The following KLHL1 variants were observed in gnomAD, a reference collection of about 807,000 sequenced individuals.
KLHL1 encodes the protein kelch like family member 1.
In KLHL1, 47 loss-of-function variants were observed where a neutral mutation model predicts 77.7. The observed-to-expected ratio is 0.60, with a 90% CI of 0.48 to 0.77. KLHL1 has a LOEUF of 0.77. Among genes scored for constraint, KLHL1 ranks in the 30% least tolerant of loss-of-function variants. KLHL1 has a pLI of 0.00. For synonymous variants in KLHL1, 360 were observed against 325.2 expected, an observed-to-expected ratio of 1.11 and a Z score of -1.15; for missense variants, 925 against 910.8, an observed-to-expected ratio of 1.02 and a Z score of -0.20.
chr13:70,075,164 T>A (rs1887232363), intron 1 of KLHL1, among the ~76,000 whole-genome samples: 1 of 151,888 alleles, frequency 6.6e-6, no homozygotes, highest in Non-Finnish European at 1.5e-5. Context: ...AAATACTCTC[T>A]TCATAGGGAA....
intron 7 of KLHL1, among the ~76,000 whole-genome samples, chr13:69,785,748 A>T (rs1456509758): frequency 6.6e-6 from 1 of 152,172 alleles, no homozygotes; most frequent in Non-Finnish European, 1.5e-5. Flanking sequence ...AACAAAATCG[A>T]TAGACTGCTA....
chr13:69,802,313 G>A (rs960843705), intron 6 of KLHL1, among the ~76,000 whole-genome samples: 4 of 152,012 alleles, frequency 2.6e-5, no homozygotes, highest in South Asian at 2.1e-4. Context: ...TGTAAATGGC[G>A]CTGCAATAAA....
At chr13:70,008,457 G>A (rs562906362) in intron 1 of KLHL1, among the ~76,000 whole-genome samples, 1 of 151,956 alleles carries the variant, frequency 6.6e-6, no homozygotes, top group Non-Finnish European at 1.5e-5. Context: ...GGTAGTATGC[G>A]CCCCCATATG....
At chr13:69,944,457 T>C (rs1160683858) in intron 3 of KLHL1, among the ~76,000 whole-genome samples, 2 of 152,214 alleles carry the variant, frequency 1.3e-5, no homozygotes, top group East Asian at 1.9e-4. Context: ...TAACAATTCA[T>C]AGCCATTTGT....
chr13:69,865,969 T>A (rs768093886), intron 5 of KLHL1, among the ~76,000 whole-genome samples: 1 of 152,154 alleles, frequency 6.6e-6, no homozygotes, highest in Non-Finnish European at 1.5e-5. Flanking sequence ...TATATTGCCA[T>A]GAGGTGAAAT....
intron 4 of KLHL1, among the ~76,000 whole-genome samples, chr13:69,925,311 C>T (rs936003606): frequency 6.6e-6 from 1 of 152,152 alleles, no homozygotes; most frequent in Admixed American, 6.5e-5. Context: ...TGTAAAGATG[C>T]TACTTACAGC....
chr13:69,811,754 C>T (rs576175782), intron 6 of KLHL1, among the ~76,000 whole-genome samples: 1 of 152,070 alleles, frequency 6.6e-6, no homozygotes, highest in South Asian at 2.1e-4. Context: ...AGACCCTAGA[C>T]TTATCATTTT....
At chr13:69,789,017 CTCTATCTATCTATCTATCTA>C (rs10542087) in intron 7 of KLHL1, among the ~76,000 whole-genome samples, 2,470 of 150,494 alleles carry the variant, frequency 0.016, 69 homozygotes, top group African/African-American at 0.055. Flanking sequence ...CTCCACAGGA[CTCTATCTATCTATCTATCTA>C]TCTATCTATC....
intron 6 of KLHL1, among the ~76,000 whole-genome samples, chr13:69,806,262 G>A (rs1194148894): frequency 6.6e-6 from 1 of 152,158 alleles, no homozygotes; most frequent in Non-Finnish European, 1.5e-5. Flanking sequence ...GCCACAACTT[G>A]ATAAATGTTT....
At chr13:70,001,893 T>A (rs1381106119) in intron 1 of KLHL1, among the ~76,000 whole-genome samples, 1 of 151,642 alleles carries the variant, frequency 6.6e-6, no homozygotes, top group Non-Finnish European at 1.5e-5. Context: ...ACATCTAATT[T>A]ACAGCTAAAG....
At chr13:69,781,097 C>T (rs1027787133) in intron 7 of KLHL1, among the ~76,000 whole-genome samples, 3 of 127,984 alleles carry the variant, frequency 2.3e-5, no homozygotes, top group Non-Finnish European at 5.1e-5. Context: ...TTAGGACTGC[C>T]CAAATCTTGC....
rs7983261 is a variant in KLHL1 at position 70,048,989 on chromosome 13, G to T, written c.497+58214C>A. The stretch of plus-strand genomic sequence containing the variant: ...CTTGGAGTTAGTCTACATCATTGCT[G>T]TAAGTATACTTTCTCTTGAACAGAA... On this transcript the variant is annotated intron_variant, in intron 1 of 10. Coordinates refer to ENST00000377844, the MANE Select transcript of KLHL1 (RefSeq NM_020866.3). Among the ~76,000 whole-genome samples the T allele has an allele frequency of 4.7e-3, 714 of 152,238 alleles. 4 individuals carry two copies. Among genetic ancestry groups the T allele is most frequent in the African/African-American group, 0.016 (665 of 41,544 alleles).
intron 1 of KLHL1, among the ~76,000 whole-genome samples, chr13:70,011,828 T>G (rs1054127609): frequency 6.6e-6 from 1 of 152,160 alleles, no homozygotes; most frequent in Non-Finnish European, 1.5e-5. Flanking sequence ...ATTTGTCCAT[T>G]TTCATGCCGT....
At chr13:69,707,536 T>G in intron 10 of KLHL1, 89 bp downstream of exon 10, 1 of 1,242,702 alleles carries the variant, frequency 8.0e-7, no homozygotes, top group Non-Finnish European at 1.1e-6. Context: ...GTAATTAGAC[T>G]AGATTACTGT....
intron 5 of KLHL1, among the ~76,000 whole-genome samples, chr13:69,850,982 T>C (rs1305323184): frequency 6.6e-6 from 1 of 151,688 alleles, no homozygotes. Flanking sequence ...ATCTTTATTT[T>C]ATCTATAAAC....
At chr13:70,057,254 A>G (rs1276414613) in intron 1 of KLHL1, among the ~76,000 whole-genome samples, 1 of 152,112 alleles carries the variant, frequency 6.6e-6, no homozygotes, top group African/African-American at 2.4e-5. Flanking sequence ...AAACCTCAAC[A>G]GACCATTAAC....
intron 7 of KLHL1, among the ~76,000 whole-genome samples, chr13:69,777,245 TC>T (rs1875878113): frequency 6.6e-6 from 1 of 152,120 alleles, no homozygotes; most frequent in African/African-American, 2.4e-5. Context: ...CTATTAAACC[TC>T]TTTTTCTTTT....
At chr13:69,907,984 A>C (rs1421325152) in intron 4 of KLHL1, among the ~76,000 whole-genome samples, 1 of 152,052 alleles carries the variant, frequency 6.6e-6, no homozygotes, top group African/African-American at 2.4e-5. Context: ...TAGATAGTGA[A>C]GCCAATATAG....
At chr13:69,749,220 A>G (rs1874361222) in intron 7 of KLHL1, among the ~76,000 whole-genome samples, 1 of 152,022 alleles carries the variant, frequency 6.6e-6, no homozygotes, top group Non-Finnish European at 1.5e-5. Context: ...GTTACTAAAA[A>G]TATCTTTATA....
Sources: gnomAD v4.1 joint callset for allele counts (sites outside exome capture counted in the v4.1 genomes callset) on GRCh38, gnomAD v4.1.1 for gene constraint, MANE v1.5 for transcripts, NCBI Gene and HGNC (gene_info 2026-07-23, HGNC 2026-07-21) for gene names.